The following SOCS2 variants were observed in gnomAD, a reference collection of about 807,000 sequenced individuals.
SOCS2 encodes the protein suppressor of cytokine signaling 2, also known as CIS-2.
In SOCS2, 10 loss-of-function variants were observed where a neutral mutation model predicts 18.6. The ratio of observed to expected loss-of-function variants is 0.54; its 90% CI spans 0.33 to 0.91. The LOEUF is 0.91. SOCS2 is among the 40% of genes least tolerant of loss of function. SOCS2 has a pLI of 0.02. For missense variants in SOCS2, 231 were observed against 247.2 expected (o/e 0.93, Z 0.44); for synonymous variants, 104 against 104.0 (o/e 1.00, Z 0.00).
chr12:93,602,503 T>C, the SOCS2 span, among the ~76,000 whole-genome samples: 45 of 152,190 alleles, frequency 3.0e-4, 2 homozygotes, highest in South Asian at 2.1e-4. Context: ...TGAGAATGTG[T>C]GAACGTGCTT....
At chr12:93,616,752 G>A in the SOCS2 span, among the ~76,000 whole-genome samples, 1 of 152,178 alleles carries the variant, frequency 6.6e-6, no homozygotes, top group Non-Finnish European at 1.5e-5. Flanking sequence ...GGTAATGAAA[G>A]GGTTACATCA....
At chr12:93,585,946 TTAA>T (rs1307276523), downstream of SOCS2, among the ~76,000 whole-genome samples, 2 of 152,232 alleles carry the variant, frequency 1.3e-5, no homozygotes, top group Admixed American at 6.5e-5. Flanking sequence ...TCTAAATTAC[TTAA>T]TAATACCTGA....
At chr12:93,591,672 G>C in the SOCS2 span, among the ~76,000 whole-genome samples, 1 of 152,156 alleles carries the variant, frequency 6.6e-6, no homozygotes, top group Non-Finnish European at 1.5e-5. Context: ...CCTCCCAGAC[G>C]CGTCCGGGGC....
chr12:93,572,846 T>A lies in SOCS2; in HGVS notation c.-52T>A, dbSNP rs1954304075. 1 of 1,554,696 alleles carries A rather than the reference T, an allele frequency of 6.4e-7. No individual in the cohort carries two copies. Among genetic ancestry groups the A allele is most frequent in the Non-Finnish European group, 8.7e-7 (1 of 1,148,768 alleles). ...CTTCAAGGAAGGACGCGAACCCTTC[T>A]CTGACCCCAGCTCGGGCGGCCACCT... On this transcript the variant is annotated 5_prime_UTR_variant, in exon 1 of 2. Coordinates refer to ENST00000551556, the MANE Select transcript of SOCS2 (RefSeq NM_001270471.2). The surrounding 1 kb of genome is among the most constrained non-coding windows in gnomAD (Gnocchi z 5.0).
chr12:93,591,372 T>A, the SOCS2 span, among the ~76,000 whole-genome samples: 12 of 151,902 alleles, frequency 7.9e-5, no homozygotes, highest in African/African-American at 2.9e-4. Flanking sequence ...TTCTAGGAAC[T>A]AGTTAAGGGA....
the SOCS2 span, among the ~76,000 whole-genome samples, chr12:93,592,917 CTTTTTTTTTT>C: frequency 9.3e-6 from 1 of 107,388 alleles, no homozygotes; most frequent in South Asian, 3.2e-4. Context: ...ACTGAGAAAG[CTTTTTTTTTT>C]TTTTTTTTTT....
At chr12:93,570,887 T>TG (rs932890667), upstream of SOCS2, 1 of 152,182 alleles carries the variant, frequency 6.6e-6, no homozygotes, top group Non-Finnish European at 1.5e-5. Context: ...CGCGGTCACG[T>TG]GAGGCCGATT....
chr12:93,581,751 T>C (rs1954543659), intron 1 of SOCS2, among the ~76,000 whole-genome samples: 2 of 152,326 alleles, frequency 1.3e-5, no homozygotes, highest in South Asian at 4.1e-4. Flanking sequence ...GTCTACTGTA[T>C]TACTCAACAG....
chr12:93,597,827 TAAACTCTACCCAAAA>T, the SOCS2 span, among the ~76,000 whole-genome samples: 2 of 152,200 alleles, frequency 1.3e-5, no homozygotes, highest in Non-Finnish European at 2.9e-5. Flanking sequence ...TCCCTAGAGA[TAAACTCTACCCAAAA>T]GTTATTGTAT....
chr12:93,623,787 C>A, the SOCS2 span, among the ~76,000 whole-genome samples: 1 of 152,090 alleles, frequency 6.6e-6, no homozygotes, highest in Non-Finnish European at 1.5e-5. Flanking sequence ...TCACTGCAAC[C>A]TCCGCCTCCC....
At chr12:93,587,753 C>G (rs766399005), downstream of SOCS2, among the ~76,000 whole-genome samples, 1 of 151,738 alleles carries the variant, frequency 6.6e-6, no homozygotes, top group Non-Finnish European at 1.5e-5. Flanking sequence ...GCAGACCACA[C>G]GAAGGTGTGA....
chr12:93,588,796 A>G, the SOCS2 span, among the ~76,000 whole-genome samples: 9 of 149,224 alleles, frequency 6.0e-5, no homozygotes, highest in East Asian at 1.6e-3. Flanking sequence ...TTTTTTTTTT[A>G]TTTTTAGTGG....
the SOCS2 span, among the ~76,000 whole-genome samples, chr12:93,613,905 A>C: frequency 6.6e-6 from 1 of 152,196 alleles, no homozygotes; most frequent in Non-Finnish European, 1.5e-5. Context: ...ATAAAAAGAA[A>C]TTTAAAGCTG....
At chr12:93,602,818 C>T in the SOCS2 span, among the ~76,000 whole-genome samples, 2 of 152,144 alleles carry the variant, frequency 1.3e-5, no homozygotes, top group African/African-American at 4.8e-5. Flanking sequence ...CTTGACTCTG[C>T]GAGGAGAGGG....
upstream of SOCS2, chr12:93,572,555 T>C (rs544159311): frequency 1.7e-5 from 8 of 484,722 alleles, no homozygotes; most frequent in Non-Finnish European, 3.1e-5. This position sits in a 1 kb window ranked among gnomAD's most constrained non-coding sequence, Gnocchi z 5.0. Flanking sequence ...AACTGGAAGC[T>C]TGGGGTTAAA....
chr12:93,616,726 A>C, the SOCS2 span, among the ~76,000 whole-genome samples: 1 of 152,136 alleles, frequency 6.6e-6, no homozygotes, highest in Admixed American at 6.6e-5. Context: ...GACAAGTGGG[A>C]GGCATGAGGC....
downstream of SOCS2, among the ~76,000 whole-genome samples, chr12:93,577,637 T>C (rs1458131960): frequency 6.6e-6 from 1 of 152,164 alleles, no homozygotes; most frequent in African/African-American, 2.4e-5. Flanking sequence ...TTGGTGTTTT[T>C]ACTGCTGTTC....
At chr12:93,591,449 C>T in the SOCS2 span, among the ~76,000 whole-genome samples, 1 of 152,164 alleles carries the variant, frequency 6.6e-6, no homozygotes, top group Non-Finnish European at 1.5e-5. Context: ...GTCTGTCTGT[C>T]TGCGGCAAGA....
chr12:93,608,111 C>T, the SOCS2 span, among the ~76,000 whole-genome samples: 3 of 151,390 alleles, frequency 2.0e-5, no homozygotes, highest in African/African-American at 7.3e-5. Context: ...AGTGATCCTC[C>T]TGCCTCAAAC....
Sources: allele counts gnomAD v4.1 joint callset (sites outside exome capture counted in the v4.1 genomes callset), GRCh38; gene constraint gnomAD v4.1.1; non-coding constraint Gnocchi (gnomAD v3.1); transcripts MANE v1.5; gene names NCBI Gene and HGNC (gene_info 2026-07-23, HGNC 2026-07-21).